The following SLC24A4 variants were observed in gnomAD, a reference collection of about 807,000 sequenced individuals.
SLC24A4 encodes solute carrier family 24 member 4.
SLC24A4 carries 53 observed loss-of-function variants against 79.0 expected under a neutral mutation model. The observed-to-expected ratio is 0.67, with a 90% CI of 0.54 to 0.84. The LOEUF (loss-of-function observed/expected upper bound fraction) is 0.84. SLC24A4 is among the 40% of genes least tolerant of loss of function. The pLI, the probability that SLC24A4 is intolerant of heterozygous loss-of-function variation, is 0.00. For synonymous variants in SLC24A4, 323 were observed against 323.8 expected (o/e 1.00, Z 0.03); for missense variants, 731 against 822.0 (o/e 0.89, Z 1.35).
chr14:92,455,400 A>G (rs1012176751), intron 11 of SLC24A4, among the ~76,000 whole-genome samples: 1 of 152,256 alleles, frequency 6.6e-6, no homozygotes, highest in African/African-American at 2.4e-5. Context: ...GGGTTATTCA[A>G]TATAATAGAA....
At chr14:92,415,232 A>G (rs375461289) in intron 2 of SLC24A4, among the ~76,000 whole-genome samples, 480 of 152,284 alleles carry the variant, frequency 3.2e-3, no homozygotes, top group African/African-American at 0.011. Flanking sequence ...GCTGGAGGTC[A>G]GGCCTCCTGC....
intron 2 of SLC24A4, among the ~76,000 whole-genome samples, chr14:92,355,042 C>A (rs776960932): frequency 6.6e-6 from 1 of 152,180 alleles, no homozygotes; most frequent in Non-Finnish European, 1.5e-5. Context: ...CCATTGCACT[C>A]CAACCTGTGT....
chr14:92,339,160 G>A (rs373068462), intron 2 of SLC24A4, among the ~76,000 whole-genome samples: 27 of 152,176 alleles, frequency 1.8e-4, no homozygotes, highest in Non-Finnish European at 4.0e-4. Flanking sequence ...TCCTAGATGC[G>A]GACCCGGCCT....
chr14:92,416,247 G>A (rs191647011), intron 2 of SLC24A4, among the ~76,000 whole-genome samples: 1 of 152,220 alleles, frequency 6.6e-6, no homozygotes, highest in Admixed American at 6.5e-5. Flanking sequence ...GGTAAGCAGA[G>A]TGAGGGAGAG....
chr14:92,479,224 G>A (rs1290580051), intron 12 of SLC24A4, among the ~76,000 whole-genome samples: 2 of 152,054 alleles, frequency 1.3e-5, no homozygotes, highest in African/African-American at 4.8e-5. Context: ...CTCTAGTTCA[G>A]TGTTGAAGGA....
intron 12 of SLC24A4, chr14:92,462,825 A>C (rs1414036056): frequency 6.6e-6 from 1 of 152,352 alleles, no homozygotes; most frequent in Non-Finnish European, 1.5e-5. Context: ...GCCCAGGGTC[A>C]TACAGGAGGA....
intron 12 of SLC24A4, among the ~76,000 whole-genome samples, chr14:92,479,204 T>C (rs961791949): frequency 6.6e-6 from 1 of 152,250 alleles, no homozygotes; most frequent in Non-Finnish European, 1.5e-5. Flanking sequence ...CTAATTTTCT[T>C]GGCTATAATC....
At chr14:92,412,706 C>T (rs2141796623) in intron 2 of SLC24A4, among the ~76,000 whole-genome samples, 1 of 152,266 alleles carries the variant, frequency 6.6e-6, no homozygotes, top group South Asian at 2.1e-4. Flanking sequence ...ACATCATCCC[C>T]TCCTCTCTGT....
chr14:92,443,611 C>A, intron 7 of SLC24A4, 137 bp downstream of exon 7: 2 of 895,960 alleles, frequency 2.2e-6, no homozygotes, highest in East Asian at 2.6e-5. Context: ...CAGCCACTCA[C>A]TGCGGTCACA....
chr14:92,385,730 C>T lies in SLC24A4; in HGVS notation c.242-48182C>T, dbSNP rs573090113. The stretch of plus-strand genomic sequence containing the variant: ...GGGGCTTCTGCGCACCGGCTATCTC[C>T]CCCAGCTGCCTGGGAAGAGTGATGA... On this transcript the variant is annotated intron_variant, in intron 2 of 16. Coordinates refer to ENST00000532405, the MANE Select transcript of SLC24A4 (RefSeq NM_153646.4). Among the ~76,000 whole-genome samples, 3 of 152,252 alleles carry T rather than the reference C, an allele frequency of 2.0e-5. No individual in the cohort carries two copies. The South Asian group carries it at 6.2e-4, about 32-fold the overall frequency.
intron 2 of SLC24A4, among the ~76,000 whole-genome samples, chr14:92,422,575 C>T (rs968127367): frequency 2.0e-5 from 3 of 152,262 alleles, no homozygotes; most frequent in African/African-American, 7.2e-5. Context: ...TCATTGTGAC[C>T]TTGAAATGTA....
chr14:92,424,915 A>G (rs1324801421), intron 2 of SLC24A4, among the ~76,000 whole-genome samples: 1 of 152,070 alleles, frequency 6.6e-6, no homozygotes. Context: ...CTCTTGCGGG[A>G]ACTAATAGAA....
chr14:92,365,035 C>T (rs144551505), intron 2 of SLC24A4, among the ~76,000 whole-genome samples: 7 of 152,302 alleles, frequency 4.6e-5, no homozygotes, highest in Non-Finnish European at 7.4e-5. Flanking sequence ...TGGTGCCCTC[C>T]ACCCTTGAAG....
chr14:92,477,579 C>T (rs1454105356), intron 12 of SLC24A4, among the ~76,000 whole-genome samples: 3 of 152,212 alleles, frequency 2.0e-5, no homozygotes, highest in Admixed American at 2.0e-4. Flanking sequence ...CCCACCTCAA[C>T]CTCCCAAGTA....
chr14:92,493,931 T>G lies in SLC24A4; in HGVS notation c.*303T>G, dbSNP rs965346375. The stretch of plus-strand genomic sequence containing the variant: ...CAAGCATCTCATCTCTCCTGCACAC[T>G]TTAGTCAGAAGGACTTCTGCATGCA... On this transcript the variant is annotated 3_prime_UTR_variant, in exon 17 of 17. Transcript: ENST00000532405. 2.9e-6 allele frequency: 1 copy of G among 340,330 alleles called. No individual in the cohort carries two copies. Among genetic ancestry groups the G allele is most frequent in the Non-Finnish European group, 5.4e-6 (1 of 184,886 alleles). 21.1% of individuals were successfully genotyped at this position (340,330 alleles called of 1,614,324 possible).
chr14:92,399,063 C>T (rs767920331), intron 2 of SLC24A4, among the ~76,000 whole-genome samples: 5 of 152,182 alleles, frequency 3.3e-5, no homozygotes, highest in Non-Finnish European at 7.3e-5. Flanking sequence ...TGTTAGACAA[C>T]ATTTAAATGC....
At chr14:92,484,742 C>T in intron 13 of SLC24A4, 1 of 985,408 alleles carries the variant, frequency 1.0e-6, no homozygotes, top group Non-Finnish European at 1.2e-6. Context: ...CCTGACCACT[C>T]CCTTTCACAC....
chr14:92,377,625 C>T (rs1235437599), intron 2 of SLC24A4, among the ~76,000 whole-genome samples: 1 of 152,128 alleles, frequency 6.6e-6, no homozygotes, highest in Non-Finnish European at 1.5e-5. Context: ...TGCAGAAGGT[C>T]TTGGGCCTTA....
intron 16 of SLC24A4, chr14:92,492,873 A>G: frequency 2.2e-6 from 1 of 455,674 alleles, no homozygotes; most frequent in Non-Finnish European, 4.4e-6. Context: ...GCCTTGATCG[A>G]GGGACAAGGA....
Sources: allele counts gnomAD v4.1 joint callset (sites outside exome capture counted in the v4.1 genomes callset), GRCh38; gene constraint gnomAD v4.1.1; transcripts MANE v1.5; gene names NCBI Gene and HGNC (gene_info 2026-07-23, HGNC 2026-07-21).